Variants in SIRPG observed in about 807,000 individuals in gnomAD.
SIRPG encodes the protein signal regulatory protein gamma.
SIRPG carries 38 observed loss-of-function variants against 35.7 expected under a neutral mutation model. The ratio of observed to expected loss-of-function variants is 1.06; its 90% CI spans 0.82 to 1.40. The LOEUF is 1.40. Among genes scored for constraint, SIRPG ranks in the 40% most tolerant of loss-of-function variants. SIRPG has a pLI of 0.00. For synonymous variants in SIRPG, 215 were observed against 190.4 expected (o/e 1.13, Z -1.06); for missense variants, 519 against 483.0 (o/e 1.07, Z -0.70).
chr20:1,668,113 A>AGCCC, the SIRPG span, among the ~76,000 whole-genome samples: 1 of 151,732 alleles, frequency 6.6e-6, no homozygotes, highest in Admixed American at 6.6e-5. Flanking sequence ...TTTTCACAGG[A>AGCCC]GCCCTTTCTT....
In SIRPG at chr20:1,649,165, A is replaced by C. The variant is rs748079541; in HGVS notation, c.317T>G (p.Ile106Ser). Residue 106 changes from isoleucine (I) to serine (S), a missense_variant, in exon 2 of 6, where the codon ATC becomes AGC. Coordinates refer to ENST00000303415, the MANE Select transcript of SIRPG (RefSeq NM_018556.4). ...KRNNMDFSIR[I>S]SSITPADVGT... ...GACATCTGCTGGGGTGATGCTACTG[A>C]TGCGGATGGAAAAGTCCATGTTGTT... 2 of 1,614,058 alleles carry C rather than the reference A, an allele frequency of 1.2e-6. No individual in the cohort carries two copies. Among genetic ancestry groups the C allele is most frequent in the South Asian group, 2.2e-5 (2 of 91,070 alleles).
chr20:1,657,586 G>A, intron 1 of SIRPG, 56 bp downstream of exon 1: 1 of 1,554,686 alleles, frequency 6.4e-7, no homozygotes, highest in South Asian at 1.1e-5. Context: ...AAGTCCAGGG[G>A]CAAGGCTAGG....
At chr20:1,664,699 T>G in the SIRPG span, among the ~76,000 whole-genome samples, 1 of 152,190 alleles carries the variant, frequency 6.6e-6, no homozygotes, top group African/African-American at 2.4e-5. Context: ...CTGCTCATCC[T>G]TCAGGAAATG....
intron 2 of SIRPG, chr20:1,647,236 C>T (rs2091904441): frequency 6.5e-6 from 1 of 152,882 alleles, no homozygotes; most frequent in South Asian, 2.1e-4. Flanking sequence ...TCCCTGGCCC[C>T]CTTCCCTGCC....
the SIRPG span, among the ~76,000 whole-genome samples, chr20:1,668,948 G>A: frequency 6.6e-6 from 1 of 152,134 alleles, no homozygotes; most frequent in Non-Finnish European, 1.5e-5. Context: ...ACAAATCAGT[G>A]ACCCAGCACA....
chr20:1,671,803 T>G, the SIRPG span, among the ~76,000 whole-genome samples: 1 of 152,238 alleles, frequency 6.6e-6, no homozygotes, highest in Non-Finnish European at 1.5e-5. Context: ...GAGCATGTCC[T>G]TAAGGCACAG....
chr20:1,659,737 C>T (rs1229038690), upstream of SIRPG, among the ~76,000 whole-genome samples: 1 of 152,188 alleles, frequency 6.6e-6, no homozygotes, highest in Non-Finnish European at 1.5e-5. Flanking sequence ...AATGGTTGTA[C>T]TATGATACCT....
At chr20:1,648,338 C>T (rs1438064093) in intron 2 of SIRPG, 1 of 152,238 alleles carries the variant, frequency 6.6e-6, no homozygotes, top group Non-Finnish European at 1.5e-5. Context: ...CAAATAGACC[C>T]ACAGCAAATG....
intron 2 of SIRPG, chr20:1,648,365 C>T (rs1174467926): frequency 6.6e-6 from 1 of 152,250 alleles, no homozygotes; most frequent in Non-Finnish European, 1.5e-5. Flanking sequence ...TTATTGGCAT[C>T]TCCTCCCACC....
Position 1,636,455 on chromosome 20 carries a change from C to T in SIRPG, c.481G>A (p.Glu161Lys), listed in dbSNP as rs750722835. The T allele has an allele frequency of 6.2e-7, 1 of 1,614,230 alleles. No individual in the cohort carries two copies. The highest frequency in any genetic ancestry group is 8.5e-7 in the Non-Finnish European group (1 of 1,180,050). ...TCACAGGTGAAACTCACTGTATGCTCAGGTGTGGTCCTCGCCGCAGGGCCC... is the reference window on the plus strand; with the variant it reads ...TCACAGGTGAAACTCACTGTATGCTTAGGTGTGGTCCTCGCCGCAGGGCCC... ...VLGPAARTTPEHTVSFTCESH... is the reference protein window; with the variant it reads ...VLGPAARTTPKHTVSFTCESH... The change falls in exon 3 of 6, where the codon GAG becomes AAG. Residue 161 changes from glutamate (E) to lysine (K), a missense_variant. Coordinates refer to ENST00000303415, the MANE Select transcript of SIRPG (RefSeq NM_018556.4).
chr20:1,671,292 T>A, the SIRPG span: 1 of 171,336 alleles, frequency 5.8e-6, no homozygotes, highest in African/African-American at 2.4e-5. Context: ...TGGACATTAG[T>A]TTTTAATCCT....
At chr20:1,661,083 T>C (rs1440402064), upstream of SIRPG, among the ~76,000 whole-genome samples, 1 of 152,234 alleles carries the variant, frequency 6.6e-6, no homozygotes, top group Non-Finnish European at 1.5e-5. Flanking sequence ...ATATATTCAG[T>C]ATTACCATTA....
At chr20:1,634,330 C>T (rs1178866764) in intron 4 of SIRPG, among the ~76,000 whole-genome samples, 1 of 151,882 alleles carries the variant, frequency 6.6e-6, no homozygotes, top group Non-Finnish European at 1.5e-5. Flanking sequence ...CCTCAGCCTC[C>T]CGAGTAGCTG....
chr20:1,635,166 A>G (rs1291008577), intron 4 of SIRPG, 101 bp downstream of exon 4: 7 of 958,856 alleles, frequency 7.3e-6, no homozygotes, highest in Non-Finnish European at 1.5e-6. Flanking sequence ...TTAAAATTTT[A>G]CTTTGTATTT....
chr20:1,661,244 T>G (rs1275665105), upstream of SIRPG, among the ~76,000 whole-genome samples: 1 of 152,182 alleles, frequency 6.6e-6, no homozygotes, highest in Non-Finnish European at 1.5e-5. Context: ...ACGACGATGA[T>G]GAGCTGAGGT....
the SIRPG span, among the ~76,000 whole-genome samples, chr20:1,685,365 A>C: frequency 6.6e-6 from 1 of 152,144 alleles, no homozygotes. Context: ...ATTTAGTTAC[A>C]TGAGGTCATT....
chr20:1,680,831 TG>T, the SIRPG span, among the ~76,000 whole-genome samples: 268 of 140,980 alleles, frequency 1.9e-3, 2 homozygotes, highest in African/African-American at 6.2e-3. Flanking sequence ...CATACTTTCT[TG>T]TTTTTTTGGC....
In SIRPG at chr20:1,636,394, T is replaced by A; in HGVS notation, c.542A>T (p.Lys181Ile). ...HGFSPRDITLKWFKNGNELSD... is the reference protein window; with the variant it reads ...HGFSPRDITLIWFKNGNELSD... ...GAGCTCATTCCCATTTTTGAACCAT[T>A]TCAGGGTGATGTCTCTGGGAGAGAA... The change falls in exon 3 of 6, where the codon AAA becomes ATA. Residue 181 changes from lysine to isoleucine, a missense_variant. Transcript: ENST00000303415. The A allele has an allele frequency of 6.2e-7, 1 of 1,614,176 alleles. No individual in the cohort carries two copies. Among genetic ancestry groups the A allele is most frequent in the East Asian group, 2.2e-5 (1 of 44,884 alleles).
At chr20:1,664,345 C>T in the SIRPG span, among the ~76,000 whole-genome samples, 1 of 151,992 alleles carries the variant, frequency 6.6e-6, no homozygotes, top group Non-Finnish European at 1.5e-5. Flanking sequence ...GATGGGGGTT[C>T]ATTTGTATTC....
Sources: gnomAD v4.1 joint callset for allele counts (sites outside exome capture counted in the v4.1 genomes callset) on GRCh38, gnomAD v4.1.1 for gene constraint, MANE v1.5 for transcripts, NCBI Gene and HGNC (gene_info 2026-07-23, HGNC 2026-07-21) for gene names.